The following COL25A1 variants were observed in gnomAD, a reference collection of about 807,000 sequenced individuals.
The protein encoded by COL25A1 is collagen type XXV alpha 1 chain.
COL25A1 carries 103 observed loss-of-function variants against 128.4 expected under a neutral mutation model. The ratio of observed to expected loss-of-function variants is 0.80; its 90% CI spans 0.68 to 0.94. The LOEUF is 0.94. Ranked by LOEUF, COL25A1 falls within the 40% of genes least tolerant of loss-of-function variation. The pLI is 0.00. For synonymous variants in COL25A1, 279 were observed against 277.2 expected (o/e 1.01, Z -0.06); for missense variants, 745 against 840.0 (o/e 0.89, Z 1.40).
intron 8 of COL25A1, among the ~76,000 whole-genome samples, chr4:108,965,473 A>G (rs980563203): frequency 1.3e-5 from 2 of 152,236 alleles, no homozygotes; most frequent in African/African-American, 4.8e-5. Flanking sequence ...TTTGATTAAT[A>G]AATTTGCCAC....
At chr4:109,134,237 CG>C (rs1769493845) in intron 3 of COL25A1, among the ~76,000 whole-genome samples, 1 of 148,626 alleles carries the variant, frequency 6.7e-6, no homozygotes, top group Admixed American at 6.7e-5. Context: ...CTTTAAGAGT[CG>C]TAAGTAGGAG....
intron 30 of COL25A1, 122 bp downstream of exon 30, chr4:108,844,397 C>T (rs1270486409): frequency 1.3e-6 from 2 of 1,522,654 alleles, no homozygotes; most frequent in East Asian, 2.3e-5. Flanking sequence ...CTGGTATTTT[C>T]CATCCATTCC....
At chr4:108,940,087 G>A (rs901192679) in intron 10 of COL25A1, among the ~76,000 whole-genome samples, 2 of 152,070 alleles carry the variant, frequency 1.3e-5, no homozygotes, top group Non-Finnish European at 2.9e-5. Context: ...AAATAGTATA[G>A]GACTTTATTG....
At chr4:108,918,131 C>T (rs1018581024) in intron 13 of COL25A1, 41 bp downstream of exon 13, 11 of 1,331,082 alleles carry the variant, frequency 8.3e-6, no homozygotes, top group African/African-American at 5.9e-5. Flanking sequence ...TTTCAATGCT[C>T]ACCAAATTAT....
intron 3 of COL25A1, among the ~76,000 whole-genome samples, chr4:109,069,034 C>G (rs1762700045): frequency 6.6e-6 from 1 of 151,744 alleles, no homozygotes; most frequent in Non-Finnish European, 1.5e-5. Context: ...ATATTAAGCC[C>G]TCAAGAAATA....
At chr4:109,231,146 A>T (rs1213615022) in intron 3 of COL25A1, among the ~76,000 whole-genome samples, 1 of 152,036 alleles carries the variant, frequency 6.6e-6, no homozygotes, top group Non-Finnish European at 1.5e-5. Context: ...ATCTCAAAAA[A>T]ATAAAAAAAT....
chr4:109,079,807 C>T (rs7667558), intron 3 of COL25A1, among the ~76,000 whole-genome samples: 71,760 of 148,318 alleles, frequency 0.48, 21,297 homozygotes, highest in Non-Finnish European at 0.67. Flanking sequence ...AGAGTTCAAG[C>T]GAGTTAAAAC....
chr4:108,825,161 A>AT (rs1732222228), intron 34 of COL25A1, 35 bp downstream of exon 34: 2 of 1,554,240 alleles, frequency 1.3e-6, no homozygotes, highest in African/African-American at 2.7e-5. Context: ...AACATCTATT[A>AT]TAATAGGATG....
At chr4:109,254,505 A>ATATATATGTGTG (rs1383703429) in intron 3 of COL25A1, among the ~76,000 whole-genome samples, 52 of 104,984 alleles carry the variant, frequency 5.0e-4, no homozygotes, top group East Asian at 4.3e-3. Context: ...ATATATATAT[A>ATATATATGTGTG]TGTATGTGTG....
intron 20 of COL25A1, among the ~76,000 whole-genome samples, chr4:108,868,714 G>GGGAAGGAA (rs1316287655): frequency 7.4e-6 from 1 of 134,328 alleles, no homozygotes; most frequent in Non-Finnish European, 1.6e-5. Flanking sequence ...AAAGGAAGGA[G>GGGAAGGAA]GGAAGGAAGA....
chr4:109,002,125 A>G (rs552109056), intron 6 of COL25A1, among the ~76,000 whole-genome samples: 1 of 152,362 alleles, frequency 6.6e-6, no homozygotes, highest in East Asian at 1.9e-4. Flanking sequence ...GTCAATTAGT[A>G]TAACCATCAT....
chr4:109,086,712 C>G (rs1195616299), intron 3 of COL25A1, among the ~76,000 whole-genome samples: 1 of 152,098 alleles, frequency 6.6e-6, no homozygotes, highest in Non-Finnish European at 1.5e-5. Flanking sequence ...CTATTAATAA[C>G]TATCCATCAC....
intron 3 of COL25A1, among the ~76,000 whole-genome samples, chr4:109,085,329 A>G (rs1040420444): frequency 2.0e-5 from 3 of 152,214 alleles, no homozygotes; most frequent in African/African-American, 4.8e-5. Context: ...TTCCCTTCAG[A>G]TGAAGTACAG....
At chr4:109,256,970 T>C (rs970200479) in intron 3 of COL25A1, among the ~76,000 whole-genome samples, 1 of 152,180 alleles carries the variant, frequency 6.6e-6, no homozygotes, top group Non-Finnish European at 1.5e-5. Context: ...CAAGTTCCCC[T>C]TAACAATTTT....
chr4:109,285,938 A>C lies in COL25A1; in HGVS notation c.367+14645T>G, dbSNP rs576543234. On this transcript the variant is annotated intron_variant, in intron 3 of 37. Transcript: ENST00000399132. Reference sequence around the variant, plus strand: ...ATCAGCAGCATACCACATCAGTAATATCTTAGTCAAGAAGAATTGACTGGG... The same window carrying C: ...ATCAGCAGCATACCACATCAGTAATCTCTTAGTCAAGAAGAATTGACTGGG... 6.1e-4 allele frequency among the ~76,000 whole-genome samples: 93 copies of C among 152,184 alleles called. 1 individual carries two copies. Among genetic ancestry groups the C allele is most frequent in the Non-Finnish European group, 1.0e-3 (70 of 68,028 alleles).
chr4:109,033,212 A>C (rs1759032490), intron 5 of COL25A1, among the ~76,000 whole-genome samples: 1 of 152,252 alleles, frequency 6.6e-6, no homozygotes. Context: ...ACATACACAC[A>C]AAGAGTGTAT....
chr4:109,258,280 G>A (rs7682615), intron 3 of COL25A1, among the ~76,000 whole-genome samples: 25,971 of 152,088 alleles, frequency 0.17, 3,522 homozygotes, highest in African/African-American at 0.36. Context: ...TAACCATACA[G>A]TATTCATCCA....
At chr4:108,858,064 T>C (rs1356459398) in intron 24 of COL25A1, among the ~76,000 whole-genome samples, 1 of 152,080 alleles carries the variant, frequency 6.6e-6, no homozygotes, top group African/African-American at 2.4e-5. Flanking sequence ...AGGAGACTTG[T>C]ATGGATATGA....
At chr4:109,008,790 A>G (rs1756300006) in intron 6 of COL25A1, among the ~76,000 whole-genome samples, 1 of 152,034 alleles carries the variant, frequency 6.6e-6, no homozygotes. Flanking sequence ...GGATAATAAT[A>G]CTTTCCAAGG....
Sources: gnomAD v4.1 joint callset for allele counts (sites outside exome capture counted in the v4.1 genomes callset) on GRCh38, gnomAD v4.1.1 for gene constraint, MANE v1.5 for transcripts, NCBI Gene and HGNC (gene_info 2026-07-23, HGNC 2026-07-21) for gene names.